The following GRID2 variants were observed in gnomAD, a reference collection of about 807,000 sequenced individuals.
The protein encoded by GRID2 is glutamate ionotropic receptor delta type subunit 2, also known as glutamate receptor ionotropic, delta-2.
Under a neutral mutation model 114.8 loss-of-function variants are expected in GRID2, and 33 were observed. That is an observed-to-expected ratio of 0.29 (90% CI 0.22 to 0.38). The LOEUF (loss-of-function observed/expected upper bound fraction) is 0.38. Among genes scored for constraint, GRID2 ranks in the 10% least tolerant of loss-of-function variants. The probability of loss-of-function intolerance (pLI) is 1.00; values close to 1 mark genes in which losing one functional copy is unlikely to be tolerated. For missense variants in GRID2, 1,184 were observed against 1,257.7 expected (o/e 0.94, Z 0.89); for synonymous variants, 505 against 449.9 (o/e 1.12, Z -1.55).
intron 2 of GRID2, among the ~76,000 whole-genome samples, chr4:92,927,860 T>A (rs1253622414): frequency 6.6e-6 from 1 of 151,736 alleles, no homozygotes; most frequent in Non-Finnish European, 1.5e-5. Context: ...GATTTTTGCA[T>A]TTTTTTGGAT....
chr4:92,408,628 TA>T (rs1273591707), intron 1 of GRID2, among the ~76,000 whole-genome samples: 3 of 141,228 alleles, frequency 2.1e-5, no homozygotes, highest in African/African-American at 8.6e-5. Context: ...TATTTATTAT[TA>T]TTTTTTTTTG....
chr4:93,102,980 TTTGAC>T (rs1731844994), intron 3 of GRID2, among the ~76,000 whole-genome samples: 1 of 151,846 alleles, frequency 6.6e-6, no homozygotes, highest in South Asian at 2.1e-4. Flanking sequence ...AACAGTAACT[TTTGAC>T]TTGATAAATG....
At chr4:93,321,607 A>G (rs1288152555) in intron 8 of GRID2, among the ~76,000 whole-genome samples, 1 of 152,072 alleles carries the variant, frequency 6.6e-6, no homozygotes, top group Admixed American at 6.6e-5. Context: ...GATTGCCAAT[A>G]GTTGAAACTT....
chr4:93,253,940 T>C (rs983263542), intron 8 of GRID2, among the ~76,000 whole-genome samples: 4 of 152,154 alleles, frequency 2.6e-5, no homozygotes, highest in African/African-American at 7.2e-5. Context: ...TACAAATATT[T>C]TGAGGACCTG....
In GRID2 at chr4:93,538,552, C is replaced by T. The variant is rs141738138; in HGVS notation, c.2193+23141C>T. On this transcript the variant is annotated intron_variant, in intron 13 of 15. Transcript: ENST00000282020. ...TGATTGGTTTCCAAAGAAAAGAGTA[C>T]GGAACAGGAAAAAATAGAGATATCT... Among the ~76,000 whole-genome samples, 945 of 151,468 alleles carry T rather than the reference C, an allele frequency of 6.2e-3. 8 individuals are homozygous for T. Among genetic ancestry groups the T allele is most frequent in the South Asian group, 0.022 (107 of 4,790 alleles).
At chr4:92,796,754 AC>A (rs1274226689) in intron 2 of GRID2, among the ~76,000 whole-genome samples, 1 of 151,788 alleles carries the variant, frequency 6.6e-6, no homozygotes, top group Non-Finnish European at 1.5e-5. Context: ...TGTACATCAA[AC>A]CTTTATAAAA....
chr4:92,604,602 G>A (rs1310122081), intron 2 of GRID2, among the ~76,000 whole-genome samples: 1 of 152,058 alleles, frequency 6.6e-6, no homozygotes, highest in Non-Finnish European at 1.5e-5. Context: ...TAGGTGATGG[G>A]TTGACAGGTA....
intron 8 of GRID2, among the ~76,000 whole-genome samples, chr4:93,380,150 T>C (rs1490418708): frequency 1.3e-5 from 2 of 152,080 alleles, no homozygotes; most frequent in Non-Finnish European, 2.9e-5. Context: ...CGTTATGGAA[T>C]ATCTGAGTGG....
intron 13 of GRID2, among the ~76,000 whole-genome samples, chr4:93,593,214 A>C (rs1202870750): frequency 6.8e-6 from 1 of 146,742 alleles, no homozygotes; most frequent in Non-Finnish European, 1.5e-5. Context: ...TTCCATGTTT[A>C]GCGCTTCCTT....
chr4:92,471,585 T>G (rs1290707602), intron 1 of GRID2, among the ~76,000 whole-genome samples: 1 of 152,102 alleles, frequency 6.6e-6, no homozygotes, highest in Non-Finnish European at 1.5e-5. Flanking sequence ...ACTGAAATAA[T>G]AAAAATAATT....
intron 3 of GRID2, among the ~76,000 whole-genome samples, chr4:93,098,074 T>C (rs1022871149): frequency 9.2e-5 from 14 of 152,004 alleles, no homozygotes; most frequent in African/African-American, 3.4e-4. Flanking sequence ...AGATAAGACC[T>C]GACATATTTA....
At chr4:92,774,532 A>G (rs976761278) in intron 2 of GRID2, among the ~76,000 whole-genome samples, 4 of 151,750 alleles carry the variant, frequency 2.6e-5, no homozygotes, top group Non-Finnish European at 4.4e-5. Context: ...ACAGGAATGA[A>G]GGAATGAATC....
chr4:93,592,629 G>A (rs1281811227), intron 13 of GRID2, among the ~76,000 whole-genome samples: 12 of 152,058 alleles, frequency 7.9e-5, no homozygotes, highest in South Asian at 2.1e-4. Flanking sequence ...TTTCTGTCTC[G>A]TTGATCTGTC....
chr4:93,406,594 T>G (rs1167105860), intron 9 of GRID2, among the ~76,000 whole-genome samples: 1 of 152,126 alleles, frequency 6.6e-6, no homozygotes, highest in African/African-American at 2.4e-5. Context: ...TCACACATGA[T>G]TTTTGAGAAA....
chr4:92,835,625 A>G (rs1304470120), intron 2 of GRID2, among the ~76,000 whole-genome samples: 1 of 152,054 alleles, frequency 6.6e-6, no homozygotes, highest in Non-Finnish European at 1.5e-5. Flanking sequence ...GAATTTTTAA[A>G]ATGGGACCAC....
At position 92,951,499 on chromosome 4, in the gene GRID2, A is replaced by G. The variant is rs556716356; in HGVS notation, c.245-133496A>G. On this transcript the variant is annotated intron_variant, in intron 2 of 15. Transcript: ENST00000282020. Reference sequence around the variant, plus strand: ...TGGACTACAGGTACACTCCACCACAACTGGCTAATTTTTTTGTATTTTTTG... The same window carrying G: ...TGGACTACAGGTACACTCCACCACAGCTGGCTAATTTTTTTGTATTTTTTG... Among the ~76,000 whole-genome samples the G allele has an allele frequency of 5.3e-5, 8 of 151,790 alleles. 1 individual carries two copies. The South Asian group carries it at 1.0e-3, about 20-fold the overall frequency.
chr4:93,028,743 C>G (rs1003592143), intron 2 of GRID2, among the ~76,000 whole-genome samples: 6 of 151,884 alleles, frequency 4.0e-5, no homozygotes, highest in African/African-American at 1.5e-4. Flanking sequence ...GCAAGGGAGC[C>G]TATACTTTCA....
chr4:93,210,500 T>G (rs1029692996), intron 5 of GRID2, among the ~76,000 whole-genome samples: 3 of 152,126 alleles, frequency 2.0e-5, no homozygotes, highest in Non-Finnish European at 4.4e-5. Context: ...AGCACTGTAG[T>G]ATAGTTTGAA....
chr4:93,099,997 C>T (rs1731562260), intron 3 of GRID2, among the ~76,000 whole-genome samples: 1 of 151,856 alleles, frequency 6.6e-6, no homozygotes, highest in Non-Finnish European at 1.5e-5. Flanking sequence ...AGTCTTAAAG[C>T]TGTTTATTGC....
Sources: allele counts gnomAD v4.1 joint callset (sites outside exome capture counted in the v4.1 genomes callset), GRCh38; gene constraint gnomAD v4.1.1; transcripts MANE v1.5; gene names NCBI Gene and HGNC (gene_info 2026-07-23, HGNC 2026-07-21).